Variants in SPECC1 observed in about 807,000 individuals in gnomAD.
SPECC1 encodes cytospin-B.
SPECC1 carries 62 observed loss-of-function variants against 104.1 expected under a neutral mutation model. The ratio of observed to expected loss-of-function variants is 0.60; its 90% CI spans 0.49 to 0.74. SPECC1 has a LOEUF of 0.74. SPECC1 is among the 30% of genes least tolerant of loss of function. The pLI is 0.00. For missense variants in SPECC1, 1,306 were observed against 1,310.5 expected, an observed-to-expected ratio of 1.00 and a Z score of 0.05; for synonymous variants, 513 against 501.6, an observed-to-expected ratio of 1.02 and a Z score of -0.30.
At chr17:20,179,947 T>A (rs1298087778) in intron 3 of SPECC1, among the ~76,000 whole-genome samples, 1 of 152,174 alleles carries the variant, frequency 6.6e-6, no homozygotes, top group African/African-American at 2.4e-5. Flanking sequence ...TTCTAGACCA[T>A]CTCAGCAAAA....
rs371945933 is a variant in SPECC1, at chr17:20,237,284, TTTG to T, written c.2351+4900_2351+4902del. On this transcript the variant is annotated intron_variant, in intron 7 of 14. Transcript: ENST00000395527. ...AGCGCAGGCCCGAGTTCTTTTGTTT[TTTG>T]TTGTTGTTGTTGTTGTTGTTTTGTT... 4.8e-3 allele frequency: 5,135 copies of T among 1,076,606 alleles called. 69 individuals are homozygous for T. The highest frequency in any genetic ancestry group is 0.044 in the East Asian group (917 of 20,942). 66.7% of individuals were successfully genotyped at this position (1,076,606 alleles called of 1,614,324 possible). A position where few individuals can be genotyped will look rare whatever the true frequency, so the allele number is the denominator to read the frequency against.
chr17:20,070,670 C>A (rs2046515360), intron 1 of SPECC1, among the ~76,000 whole-genome samples: 1 of 152,156 alleles, frequency 6.6e-6, no homozygotes, highest in South Asian at 2.1e-4. Context: ...TTGTTATAAT[C>A]AAGGATAAGC....
chr17:20,146,572 G>A (rs2031480852), intron 3 of SPECC1, among the ~76,000 whole-genome samples: 1 of 152,162 alleles, frequency 6.6e-6, no homozygotes, highest in African/African-American at 2.4e-5. Flanking sequence ...ATATCAAGAA[G>A]CTCAACTGCT....
intron 6 of SPECC1, 89 bp from the exon 7 acceptor site, chr17:20,232,110 CT>C: frequency 4.1e-6 from 6 of 1,478,572 alleles, no homozygotes; most frequent in Non-Finnish European, 5.6e-6. Context: ...GCATTTTTTT[CT>C]TGGTGACCAA....
In SPECC1 at chr17:20,096,622, C is replaced by G; in HGVS notation, c.-21-9C>G. The G allele has an allele frequency of 6.3e-7, 1 of 1,587,902 alleles. No individual in the cohort carries two copies. Among genetic ancestry groups the G allele is most frequent in the South Asian group, 1.1e-5 (1 of 89,800 alleles). ...TGGAGACATGTTTTTCTTTTCTGCT[C>G]TTTTGCAGGACAGACCCACGAAGTC... On this transcript the variant is annotated splice_polypyrimidine_tract_variant and intron_variant, in intron 1 of 14. Coordinates refer to ENST00000395527, the MANE Select transcript of SPECC1 (RefSeq NM_001243439.2).
chr17:20,297,208 T>C (rs944377233), intron 13 of SPECC1, 131 bp downstream of exon 13: 1 of 683,084 alleles, frequency 1.5e-6, no homozygotes, highest in Non-Finnish European at 2.5e-6. Context: ...TACAGATAAC[T>C]CCTGAATGTT....
intron 1 of SPECC1, among the ~76,000 whole-genome samples, chr17:20,079,918 TGCAGTCTCTCCCATTCCATCCCTTTCTCC>T (rs2046901071): frequency 6.6e-6 from 1 of 152,196 alleles, no homozygotes; most frequent in Admixed American, 6.5e-5. Context: ...CCTGCATCGC[TGCAGTCTCTCCCATTCCATCCCTTTCTCC>T]GCACCCCTAC....
chr17:20,207,239 TG>T (rs1455153684), intron 4 of SPECC1, among the ~76,000 whole-genome samples: 1 of 152,234 alleles, frequency 6.6e-6, no homozygotes, highest in Non-Finnish European at 1.5e-5. Context: ...TGTCTTAAGA[TG>T]AGTCTGTTGC....
At chr17:20,185,365 G>C (rs771284623) in intron 3 of SPECC1, among the ~76,000 whole-genome samples, 3 of 152,224 alleles carry the variant, frequency 2.0e-5, no homozygotes, top group Non-Finnish European at 1.5e-5. Flanking sequence ...GGCCCCTCTT[G>C]TTTGCGGGGG....
In SPECC1 at chr17:20,185,074, C is replaced by G. The variant is rs2035169743; in HGVS notation, c.284-19259C>G. 2.0e-5 allele frequency: 3 copies of G among 152,274 alleles called. No individual in the cohort carries two copies. The East Asian group carries it at 5.8e-4, about 29-fold the overall frequency. 9.4% of individuals were successfully genotyped at this position (152,274 alleles called of 1,614,324 possible). ...ACACTGGTTCGATGTCTAAACACTTCAGTGATGCAAAAATCAGTTTGGGAA... is the reference window on the plus strand; with the variant it reads ...ACACTGGTTCGATGTCTAAACACTTGAGTGATGCAAAAATCAGTTTGGGAA... On this transcript the variant is annotated intron_variant, in intron 3 of 14. Transcript: ENST00000395527.
At chr17:20,225,098 C>G (rs1241308662) in intron 4 of SPECC1, among the ~76,000 whole-genome samples, 1 of 151,970 alleles carries the variant, frequency 6.6e-6, no homozygotes, top group African/African-American at 2.4e-5. Flanking sequence ...GAGCTAGGAC[C>G]CGGAATGGGG....
In SPECC1 at chr17:20,226,961, G is replaced by A. The variant is rs565458523; in HGVS notation, c.1864-452G>A. Among the ~76,000 whole-genome samples the A allele has an allele frequency of 6.6e-5, 10 of 152,230 alleles. No individual in the cohort carries two copies. In the South Asian group the frequency reaches 1.0e-3, roughly 16 times the overall value. On this transcript the variant is annotated intron_variant, in intron 4 of 14. Coordinates refer to ENST00000395527, the MANE Select transcript of SPECC1 (RefSeq NM_001243439.2). ...CGCTGCTCCATAGCAGATGTGCGGT[G>A]GGGGTGGCCACACCAGGCAGCTCTC...
At chr17:20,259,992 A>G (rs573859024) in intron 11 of SPECC1, among the ~76,000 whole-genome samples, 200 bp from the exon 12 acceptor site, 8 of 152,370 alleles carry the variant, frequency 5.3e-5, no homozygotes, top group Admixed American at 3.9e-4. Flanking sequence ...AATTTATGAT[A>G]GTCAGGAAGC....
At chr17:20,018,890 T>C (rs2044257683) in intron 1 of SPECC1, among the ~76,000 whole-genome samples, 1 of 152,204 alleles carries the variant, frequency 6.6e-6, no homozygotes, top group Non-Finnish European at 1.5e-5. Flanking sequence ...GGGCTGGTCA[T>C]GCAGGCCCCC....
At chr17:20,159,880 T>G (rs74819129) in intron 3 of SPECC1, among the ~76,000 whole-genome samples, 209 of 152,282 alleles carry the variant, frequency 1.4e-3, no homozygotes, top group African/African-American at 4.8e-3. Flanking sequence ...ATTTGTGTAC[T>G]GTTCAAAGGC....
intron 3 of SPECC1, among the ~76,000 whole-genome samples, chr17:20,133,828 G>C (rs2049783127): frequency 1.3e-5 from 2 of 152,114 alleles, no homozygotes; most frequent in South Asian, 4.1e-4. Flanking sequence ...TCCCGGCTTT[G>C]CACTCCGTAT....
chr17:20,015,872 CCA>C (rs2152427833), intron 1 of SPECC1, among the ~76,000 whole-genome samples: 1 of 149,164 alleles, frequency 6.7e-6, no homozygotes, highest in East Asian at 2.0e-4. Flanking sequence ...GCGTGAGCCA[CCA>C]CGCCTGGCCA....
intron 4 of SPECC1, among the ~76,000 whole-genome samples, chr17:20,220,755 C>G (rs1004738873): frequency 6.6e-6 from 1 of 152,078 alleles, no homozygotes; most frequent in Non-Finnish European, 1.5e-5. Context: ...TTATCCTGTT[C>G]CAGATCTTAG....
In SPECC1 at chr17:20,205,023, C is replaced by T. The variant is rs778250725; in HGVS notation, c.974C>T (p.Ser325Leu). ...AGCGATGTTACCAAAGCTTCTTTGTCGCCAGATGCTTCCGACTTTGAGCAC... is the reference window on the plus strand; with the variant it reads ...AGCGATGTTACCAAAGCTTCTTTGTTGCCAGATGCTTCCGACTTTGAGCAC... ...SSSDVTKASL[S>L]PDASDFEHIT... is the part of the protein sequence containing the mutation. Residue 325 changes from serine to leucine, a missense_variant, in exon 4 of 15, where the codon TCG (serine) becomes TTG (leucine). Physicochemically the swap from Ser to Leu is moderately radical, Grantham distance 145 (BLOSUM62 -2). Coordinates refer to ENST00000395527, the MANE Select transcript of SPECC1 (RefSeq NM_001243439.2). The T allele has an allele frequency of 6.2e-6, 10 of 1,614,112 alleles. No individual in the cohort carries two copies. The highest frequency in any genetic ancestry group is 8.5e-6 in the Non-Finnish European group (10 of 1,180,002).
Sources: gnomAD v4.1 joint callset for allele counts (sites outside exome capture counted in the v4.1 genomes callset) on GRCh38, gnomAD v4.1.1 for gene constraint, MANE v1.5 for transcripts, NCBI Gene and HGNC (gene_info 2026-07-23, HGNC 2026-07-21) for gene names.